Variants in PTGFRN observed in about 807,000 individuals in gnomAD.
PTGFRN encodes prostaglandin F2 receptor negative regulator.
In PTGFRN, 35 loss-of-function variants were observed where a neutral mutation model predicts 83.2. The observed-to-expected ratio is 0.42, with a 90% CI of 0.32 to 0.56. The LOEUF (loss-of-function observed/expected upper bound fraction) is 0.56. Ranked by LOEUF, PTGFRN falls within the 20% of genes least tolerant of loss-of-function variation. The pLI, the probability that PTGFRN is intolerant of heterozygous loss-of-function variation, is 0.11. For synonymous variants in PTGFRN, 519 were observed against 498.6 expected (o/e 1.04, Z -0.55); for missense variants, 1,051 against 1,179.5 (o/e 0.89, Z 1.60).
rs1489959564 is a variant in PTGFRN at position 116,990,192 on chromosome 1, C to CAT, written c.*3227_*3228dup. 2 of 152,590 alleles carry CAT rather than the reference C, an allele frequency of 1.3e-5. No individual in the cohort carries two copies. The highest frequency in any genetic ancestry group is 2.9e-5 in the Non-Finnish European group (2 of 68,046). The allele number at this position is 152,590 out of a possible 1,614,324, so 9.5% of individuals were successfully genotyped here. On this transcript the variant is annotated 3_prime_UTR_variant, in exon 9 of 9. Coordinates refer to ENST00000393203, the MANE Select transcript of PTGFRN (RefSeq NM_020440.4). ...GCTGACTTTCTTTTTAAGTGTGGCA[C>CAT]ATAAGGATCTGCAGAATTTTCCGTA...
intron 3 of PTGFRN, among the ~76,000 whole-genome samples, chr1:116,945,562 C>T (rs553407921): frequency 6.6e-6 from 1 of 152,198 alleles, no homozygotes; most frequent in Non-Finnish European, 1.5e-5. Flanking sequence ...ATCCCAAAAC[C>T]TTTCATCTAA....
rs1649220825 is a variant in PTGFRN, at chr1:116,910,131, A to C, written c.-73A>C. 1 of 1,466,320 alleles carries C rather than the reference A, an allele frequency of 6.8e-7. No homozygotes were observed. The highest frequency in any genetic ancestry group is 1.4e-5 in the African/African-American group (1 of 69,486). 90.8% of individuals were successfully genotyped at this position (1,466,320 alleles called of 1,614,324 possible). On this transcript the variant is annotated 5_prime_UTR_variant, in exon 1 of 9. Coordinates refer to ENST00000393203, the MANE Select transcript of PTGFRN (RefSeq NM_020440.4). Reference sequence around the variant, plus strand: ...GGAGCGCCGACTCTGGAGCAGCCGGAGCTGGAAGAGGAGGAGGAGGAGAGG... The same window carrying C: ...GGAGCGCCGACTCTGGAGCAGCCGGCGCTGGAAGAGGAGGAGGAGGAGAGG...
chr1:116,987,499 C>G lies in PTGFRN; in HGVS notation c.*532C>G, dbSNP rs1349335279. On this transcript the variant is annotated 3_prime_UTR_variant, in exon 9 of 9. Transcript: ENST00000393203. Reference sequence around the variant, plus strand: ...TGGCTTTTACGACCCTACCCCACCCCCTGTTTTCAGGGGTTTAGACTACAT... The same window carrying G: ...TGGCTTTTACGACCCTACCCCACCCGCTGTTTTCAGGGGTTTAGACTACAT... 2 of 154,092 alleles carry G rather than the reference C, an allele frequency of 1.3e-5. No homozygotes were observed. The highest frequency in any genetic ancestry group is 6.4e-5 in the Admixed American group (1 of 15,598). The allele number at this position is 154,092 out of a possible 1,614,324, so 9.5% of individuals were successfully genotyped here. A position where few individuals can be genotyped will look rare whatever the true frequency, so the allele number is the denominator to read the frequency against.
At chr1:116,922,837 C>G (rs1166297234) in intron 1 of PTGFRN, among the ~76,000 whole-genome samples, 1 of 152,226 alleles carries the variant, frequency 6.6e-6, no homozygotes, top group Non-Finnish European at 1.5e-5. Flanking sequence ...ACCCCTCCCA[C>G]CAGTCCTTAG....
At chr1:116,955,068 T>A (rs1332604072) in intron 4 of PTGFRN, among the ~76,000 whole-genome samples, 5 of 152,388 alleles carry the variant, frequency 3.3e-5, no homozygotes, top group Non-Finnish European at 5.9e-5. Context: ...TACTTGTTTT[T>A]ACAAATTAGC....
In PTGFRN at chr1:116,923,251, A is replaced by G. The variant is rs763489629; in HGVS notation, c.49+12999A>G. Among the ~76,000 whole-genome samples the G allele has an allele frequency of 6.6e-6, 1 of 152,232 alleles. No homozygotes were observed. Among genetic ancestry groups the G allele is most frequent in the African/African-American group, 2.4e-5 (1 of 41,472 alleles). On this transcript the variant is annotated intron_variant, in intron 1 of 8. Coordinates refer to ENST00000393203, the MANE Select transcript of PTGFRN (RefSeq NM_020440.4). This position sits in a 1 kb window ranked among gnomAD's most constrained non-coding sequence, Gnocchi z 4.0. ...TGCCTATAAGGTGTGTATATTATATATATTTAAAATTGTGGACGTTAAGTT... is the reference window on the plus strand; with the variant it reads ...TGCCTATAAGGTGTGTATATTATATGTATTTAAAATTGTGGACGTTAAGTT...
Position 116,944,826 on chromosome 1 carries a change from G to A in PTGFRN, c.566G>A (p.Arg189His), listed in dbSNP as rs983789162. Residue 189 changes from arginine to histidine, a missense_variant, in exon 3 of 9, where the codon CGC becomes CAC. Arg to His is a conservative substitution (Grantham distance 29, BLOSUM62 0). Around this residue, in one of 3 missense-constraint regions of PTGFRN, gnomAD observed 205 missense variants for 174.5 expected, o/e 1.17. Transcript: ENST00000393203. ...THLALLWEVH[R>H]GPARRSVLAL... is the part of the protein sequence containing the mutation. ...CTGGCGCTGCTGTGGGAGGTGCACCGCGGCCCGGCCAGGCGGAGCGTCCTC... is the reference window on the plus strand; with the variant it reads ...CTGGCGCTGCTGTGGGAGGTGCACCACGGCCCGGCCAGGCGGAGCGTCCTC... 24 of 1,579,442 alleles carry A rather than the reference G, an allele frequency of 1.5e-5. No homozygotes were observed. The highest frequency in any genetic ancestry group is 4.6e-5 in the South Asian group (4 of 87,910).
intron 1 of PTGFRN, among the ~76,000 whole-genome samples, chr1:116,920,459 G>A (rs531959345): frequency 2.0e-5 from 3 of 152,178 alleles, no homozygotes; most frequent in Non-Finnish European, 2.9e-5. Context: ...TGTGACTTGT[G>A]TCTTCTCCCT....
intron 7 of PTGFRN, among the ~76,000 whole-genome samples, chr1:116,979,359 G>T (rs1336125439): frequency 6.6e-6 from 1 of 152,090 alleles, no homozygotes; most frequent in Non-Finnish European, 1.5e-5. Context: ...TCACAGAATT[G>T]GAAAAAACTA....
At chr1:116,962,535 T>C (rs945083009) in intron 5 of PTGFRN, 1 of 152,634 alleles carries the variant, frequency 6.6e-6, no homozygotes, top group East Asian at 1.9e-4. Context: ...GTGATTTTCA[T>C]GTGCAGCCAA....
intron 8 of PTGFRN, among the ~76,000 whole-genome samples, chr1:116,985,860 C>T (rs1651463484): frequency 6.6e-6 from 1 of 152,208 alleles, no homozygotes; most frequent in African/African-American, 2.4e-5. Context: ...GTTCCTTGAG[C>T]ATCCCAGAGT....
rs1453063828 is a variant in PTGFRN at position 116,952,414 on chromosome 1, A to T, written c.1213+2842A>T. 1.3e-5 allele frequency among the ~76,000 whole-genome samples: 2 copies of T among 152,160 alleles called. No homozygotes were observed. The highest frequency in any genetic ancestry group is 2.9e-5 in the Non-Finnish European group (2 of 68,030). On this transcript the variant is annotated intron_variant, in intron 4 of 8. Coordinates refer to ENST00000393203, the MANE Select transcript of PTGFRN (RefSeq NM_020440.4). This position sits in a 1 kb window ranked among gnomAD's most constrained non-coding sequence, Gnocchi z 4.0. The stretch of plus-strand genomic sequence containing the variant: ...TGAGAGGATCATGATAATGTTTTAG[A>T]TGTTGAGAAAAAACCTCTTTTACTT...
intron 1 of PTGFRN, among the ~76,000 whole-genome samples, chr1:116,913,563 A>C (rs1180664973): frequency 6.6e-6 from 1 of 152,150 alleles, no homozygotes; most frequent in East Asian, 1.9e-4. Flanking sequence ...GCTGCCAGCC[A>C]GTCTGTGCCC....
chr1:116,979,787 G>T (rs10801921), intron 7 of PTGFRN, among the ~76,000 whole-genome samples: 4 of 151,422 alleles, frequency 2.6e-5, no homozygotes, highest in Admixed American at 1.3e-4. Context: ...AACCTAGGCA[G>T]TACCATTCAG....
chr1:116,961,159 C>T lies in PTGFRN; in HGVS notation c.1214-84C>T. ...AAGCATTTAATTGTTAAAACAAGAG[C>T]AGTCCTTGTCTCATTCCTTTTGTTA... On this transcript the variant is annotated intron_variant, in intron 4 of 8. Coordinates refer to ENST00000393203, the MANE Select transcript of PTGFRN (RefSeq NM_020440.4). The surrounding 1 kb of genome is among the most constrained non-coding windows in gnomAD (Gnocchi z 5.4). The T allele has an allele frequency of 7.5e-7, 1 of 1,328,742 alleles. No individual in the cohort carries two copies. The highest frequency in any genetic ancestry group is 1.0e-6 in the Non-Finnish European group (1 of 993,254). 82.3% of individuals were successfully genotyped at this position (1,328,742 alleles called of 1,614,324 possible).
chr1:116,935,102 C>T (rs567610088), intron 1 of PTGFRN, among the ~76,000 whole-genome samples: 21 of 152,324 alleles, frequency 1.4e-4, no homozygotes, highest in Non-Finnish European at 2.4e-4. Flanking sequence ...CACTTACCAC[C>T]TCCCCATACC....
In PTGFRN at chr1:116,918,209, A is replaced by G. The variant is rs973157367; in HGVS notation, c.49+7957A>G. Among the ~76,000 whole-genome samples, 1 of 152,208 alleles carries G rather than the reference A, an allele frequency of 6.6e-6. No homozygotes were observed. The highest frequency in any genetic ancestry group is 1.5e-5 in the Non-Finnish European group (1 of 68,042). ...CCTTACTTCATCTCCCAATTAAAAG[A>G]GGAAAAAATAGGATTCAGGCTTCAG... is the stretch of plus-strand genomic sequence containing the variant. On this transcript the variant is annotated intron_variant, in intron 1 of 8. Transcript: ENST00000393203. This position sits in a 1 kb window ranked among gnomAD's most constrained non-coding sequence, Gnocchi z 4.1.
chr1:116,944,763 G>C lies in PTGFRN; in HGVS notation c.503G>C (p.Arg168Pro), dbSNP rs763913239. The C allele has an allele frequency of 6.4e-7, 1 of 1,552,128 alleles. No homozygotes were observed. Among genetic ancestry groups the C allele is most frequent in the Non-Finnish European group, 8.7e-7 (1 of 1,153,250 alleles). ...CGGGAGGGGGAGCCCTTCGAGCTGC[G>C]CTGCACCGCCGCCTCCGCCTCGCCG... ...SLREGEPFELRCTAASASPLH... is the reference protein window; with the variant it reads ...SLREGEPFELPCTAASASPLH... Residue 168 changes from arginine (R) to proline (P), a missense_variant, in exon 3 of 9, where the codon CGC becomes CCC. Physicochemically the swap from Arg to Pro is moderately radical, Grantham distance 103. Coordinates refer to ENST00000393203, the MANE Select transcript of PTGFRN (RefSeq NM_020440.4).
At chr1:116,910,302 G>A (rs756744077) in intron 1 of PTGFRN, 50 bp downstream of exon 1, 58 of 1,290,198 alleles carry the variant, frequency 4.5e-5, no homozygotes, top group Non-Finnish European at 4.9e-5. Context: ...GCGAGGCCCT[G>A]GAGGGCTCGG....
Sources: gnomAD v4.1 joint callset for allele counts (sites outside exome capture counted in the v4.1 genomes callset) on GRCh38, gnomAD v4.1.1 for gene constraint, gnomAD v4.1.1 regional missense constraint, Gnocchi (gnomAD v3.1) non-coding constraint, MANE v1.5 for transcripts, NCBI Gene and HGNC (gene_info 2026-07-23, HGNC 2026-07-21) for gene names.